The following SUGCT variants were observed in gnomAD, a reference collection of about 807,000 sequenced individuals.
The protein encoded by SUGCT is succinyl-CoA:glutarate CoA-transferase.
A neutral mutation model predicts 55.0 loss-of-function variants in SUGCT; 41 were observed. That is an observed-to-expected ratio of 0.74 (90% CI 0.58 to 0.97). SUGCT has a LOEUF of 0.97. SUGCT is among the 50% of genes least tolerant of loss of function. SUGCT has a pLI of 0.00. For missense variants in SUGCT, 568 were observed against 547.8 expected (o/e 1.04, Z -0.37); for synonymous variants, 187 against 200.4 (o/e 0.93, Z 0.56).
intron 9 of SUGCT, among the ~76,000 whole-genome samples, chr7:40,442,090 T>C (rs1788546965): frequency 1.3e-5 from 2 of 152,116 alleles, no homozygotes; most frequent in Non-Finnish European, 2.9e-5. Flanking sequence ...ACTTAGGAAG[T>C]CACACGTCTT....
intron 12 of SUGCT, among the ~76,000 whole-genome samples, chr7:40,503,280 C>T (rs1419663291): frequency 1.3e-5 from 2 of 152,054 alleles, no homozygotes; most frequent in Non-Finnish European, 2.9e-5. Flanking sequence ...GATTACTTAT[C>T]GCTTTAATAT....
At chr7:40,175,338 GC>G (rs1265302863) in intron 1 of SUGCT, among the ~76,000 whole-genome samples, 2 of 151,768 alleles carry the variant, frequency 1.3e-5, no homozygotes, top group Admixed American at 6.6e-5. Context: ...TCCTGCCTCA[GC>G]CCCCCTAGTA....
chr7:41,034,777 T>C, the SUGCT span, among the ~76,000 whole-genome samples: 1 of 152,198 alleles, frequency 6.6e-6, no homozygotes, highest in African/African-American at 2.4e-5. Context: ...TTGAGGAAGA[T>C]GGAGTGGCCT....
At chr7:40,533,334 A>G (rs1794191559) in intron 12 of SUGCT, among the ~76,000 whole-genome samples, 1 of 152,122 alleles carries the variant, frequency 6.6e-6, no homozygotes, top group African/African-American at 2.4e-5. Context: ...TGCTCTCAAA[A>G]TATAAACAAG....
At chr7:40,150,548 T>C (rs1584187987) in intron 1 of SUGCT, among the ~76,000 whole-genome samples, 1 of 152,178 alleles carries the variant, frequency 6.6e-6, no homozygotes, top group Admixed American at 6.5e-5. Flanking sequence ...GGTGGGCACC[T>C]GTAATCCCAG....
intron 3 of SUGCT, among the ~76,000 whole-genome samples, chr7:40,187,731 C>T (rs976166104): frequency 1.3e-5 from 2 of 152,004 alleles, no homozygotes; most frequent in Admixed American, 6.6e-5. Flanking sequence ...GTCAGGAGTT[C>T]GGAACTAGCC....
At chr7:40,150,533 G>A (rs1438171220) in intron 1 of SUGCT, among the ~76,000 whole-genome samples, 3 of 152,158 alleles carry the variant, frequency 2.0e-5, no homozygotes, top group African/African-American at 4.8e-5. Context: ...ATAGCTGGGC[G>A]AGGTGGTGGG....
intron 13 of SUGCT, among the ~76,000 whole-genome samples, chr7:40,820,929 A>G (rs1791957961): frequency 6.6e-6 from 1 of 152,180 alleles, no homozygotes; most frequent in African/African-American, 2.4e-5. Context: ...TTATTTTGAG[A>G]TACGTCCCAT....
intron 11 of SUGCT, 25 bp from the exon 12 acceptor site, chr7:40,496,259 A>G: frequency 6.5e-7 from 1 of 1,546,090 alleles, no homozygotes; most frequent in African/African-American, 1.4e-5. Flanking sequence ...CTGTGTAAAA[A>G]ATTTATCCTT....
the SUGCT span, among the ~76,000 whole-genome samples, chr7:41,019,217 ATTTC>A: frequency 1.3e-5 from 2 of 152,140 alleles, no homozygotes; most frequent in African/African-American, 4.8e-5. Context: ...ATTGTTAAGT[ATTTC>A]TTTAGGACAA....
chr7:40,922,950 G>A, the SUGCT span, among the ~76,000 whole-genome samples: 2 of 152,224 alleles, frequency 1.3e-5, no homozygotes, highest in African/African-American at 4.8e-5. Flanking sequence ...TGTCTTGAAA[G>A]TGCCCAGCTC....
At position 40,850,253 on chromosome 7, in the gene SUGCT, A is replaced by T. The variant is rs75257562; in HGVS notation, c.1154-10063A>T. On this transcript the variant is annotated intron_variant, in intron 13 of 13. Coordinates refer to ENST00000335693, the MANE Select transcript of SUGCT (RefSeq NM_001193313.2). ...TCTGCCACAGGACTGTCTGAGTGTG[A>T]ATCATAGCCCTGCTCCTCACCAGCT... 3.9e-5 allele frequency among the ~76,000 whole-genome samples: 6 copies of T among 152,270 alleles called. No homozygotes were observed. In the East Asian group the frequency reaches 1.2e-3, roughly 29 times the overall value.
At chr7:41,022,624 T>C in the SUGCT span, among the ~76,000 whole-genome samples, 1 of 152,154 alleles carries the variant, frequency 6.6e-6, no homozygotes, top group African/African-American at 2.4e-5. Context: ...GGAACTAGAA[T>C]GCTAGAAAAG....
At chr7:41,038,015 A>G in the SUGCT span, among the ~76,000 whole-genome samples, 1 of 152,148 alleles carries the variant, frequency 6.6e-6, no homozygotes, top group Non-Finnish European at 1.5e-5. Flanking sequence ...TAATACATAC[A>G]CACCCTGCAA....
intron 7 of SUGCT, among the ~76,000 whole-genome samples, chr7:40,246,615 GAGA>G (rs1789898687): frequency 9.5e-6 from 1 of 105,250 alleles, no homozygotes; most frequent in Non-Finnish European, 2.0e-5. Context: ...TTTTTTTTTT[GAGA>G]AGGAGTCTCA....
At position 40,135,055 on chromosome 7, in the gene SUGCT, G is replaced by A. The variant is rs752451426; in HGVS notation, c.35G>A (p.Arg12His). The stretch of plus-strand genomic sequence containing the variant: ...ACGCTGGCGAGGGTGGCAGCTCTGC[G>A]CAGAACCTGCCTCTTCTCCGGCCGG... The part of the protein sequence containing the change: ...LATLARVAAL[R>H]RTCLFSGRGG... Residue 12 changes from arginine to histidine, a missense_variant, in exon 1 of 14, where the codon CGC becomes CAC. By Grantham distance (29) the Arg-to-His change is conservative (BLOSUM62 0). Transcript: ENST00000335693. 1 of 1,561,358 alleles carries A rather than the reference G, an allele frequency of 6.4e-7. No homozygotes were observed. Among genetic ancestry groups the A allele is most frequent in the Non-Finnish European group, 8.7e-7 (1 of 1,154,190 alleles).
rs527549342 is a variant in SUGCT, at chr7:40,506,664, T to C, written c.1089+10278T>C. Among the ~76,000 whole-genome samples the C allele has an allele frequency of 1.1e-4, 16 of 152,240 alleles. No individual in the cohort carries two copies. In the South Asian group the frequency reaches 2.9e-3, roughly 28 times the overall value. ...TCTTCTAGTACTTCCATTATACTTA[T>C]GTTCTTCTATTTTATTATGTTTCAT... is the stretch of plus-strand genomic sequence containing the variant. On this transcript the variant is annotated intron_variant, in intron 12 of 13. Transcript: ENST00000335693.
intron 13 of SUGCT, among the ~76,000 whole-genome samples, chr7:40,776,466 G>C (rs1005526987): frequency 2.0e-5 from 3 of 152,090 alleles, no homozygotes; most frequent in Non-Finnish European, 2.9e-5. Flanking sequence ...ACATCAAATG[G>C]TCCTTTTGCA....
chr7:40,660,118 C>T (rs963697498), intron 12 of SUGCT, among the ~76,000 whole-genome samples: 5 of 152,118 alleles, frequency 3.3e-5, no homozygotes, highest in Non-Finnish European at 7.4e-5. Context: ...AGGTTTCTCA[C>T]GTAAAGTTTT....
Sources: gnomAD v4.1 joint callset for allele counts (sites outside exome capture counted in the v4.1 genomes callset) on GRCh38, gnomAD v4.1.1 for gene constraint, MANE v1.5 for transcripts, NCBI Gene and HGNC (gene_info 2026-07-23, HGNC 2026-07-21) for gene names.